CCDC102B: variants seen among roughly 807,000 people sequenced by gnomAD.
CCDC102B encodes coiled-coil domain-containing protein 102B.
In CCDC102B, 75 loss-of-function variants were observed where a neutral mutation model predicts 57.4. The ratio of observed to expected loss-of-function variants is 1.31; its 90% CI spans 1.08 to 1.58. The LOEUF (loss-of-function observed/expected upper bound fraction) is 1.58. Among genes scored for constraint, CCDC102B ranks in the 40% most tolerant of loss-of-function variants. The pLI, the probability that CCDC102B is intolerant of heterozygous loss-of-function variation, is 0.00. For missense variants in CCDC102B, 636 were observed against 582.6 expected (o/e 1.09, Z -0.94); for synonymous variants, 206 against 201.9 (o/e 1.02, Z -0.17).
chr18:68,914,307 G>T (rs2040985916), intron 6 of CCDC102B, among the ~76,000 whole-genome samples: 1 of 152,122 alleles, frequency 6.6e-6, no homozygotes, highest in Admixed American at 6.6e-5. Context: ...GTGTGTAAAT[G>T]GTCCTAGGCT....
chr18:68,985,007 A>G (rs907078093), intron 6 of CCDC102B, among the ~76,000 whole-genome samples: 1 of 152,122 alleles, frequency 6.6e-6, no homozygotes, highest in Non-Finnish European at 1.5e-5. Flanking sequence ...AATATATACT[A>G]TTTCTCAGCC....
chr18:68,972,080 G>A (rs2145262474), intron 6 of CCDC102B, among the ~76,000 whole-genome samples: 1 of 152,244 alleles, frequency 6.6e-6, no homozygotes, highest in African/African-American at 2.4e-5. Flanking sequence ...AGAAATATTA[G>A]AATAGTAGGC....
chr18:68,753,119 TA>T (rs1432602758), intron 2 of CCDC102B: 1 of 152,154 alleles, frequency 6.6e-6, no homozygotes, highest in African/African-American at 2.4e-5. Flanking sequence ...TATATTGAGT[TA>T]AAAAATTGTA....
At chr18:69,001,434 A>G (rs1247705438) in intron 6 of CCDC102B, among the ~76,000 whole-genome samples, 1 of 152,108 alleles carries the variant, frequency 6.6e-6, no homozygotes, top group Admixed American at 6.6e-5. Context: ...TGACCATGAA[A>G]AATTAGGCCC....
At chr18:68,845,525 C>G (rs79731552) in intron 3 of CCDC102B, among the ~76,000 whole-genome samples, 40 of 151,700 alleles carry the variant, frequency 2.6e-4, no homozygotes, top group Non-Finnish European at 5.2e-4. Flanking sequence ...CAACTCTGTC[C>G]GTGGAAATGG....
chr18:69,049,796 A>T (rs539273415), intron 7 of CCDC102B, among the ~76,000 whole-genome samples: 11 of 152,016 alleles, frequency 7.2e-5, no homozygotes, highest in African/African-American at 2.4e-4. Context: ...GTCAGGGTCC[A>T]TTGCTTAACT....
chr18:68,987,464 A>C (rs573936636), intron 6 of CCDC102B, among the ~76,000 whole-genome samples: 153 of 152,304 alleles, frequency 1.0e-3, no homozygotes, highest in African/African-American at 3.6e-3. Flanking sequence ...CCTAGAAAGA[A>C]ACCTAGGAAA....
intron 4 of CCDC102B, among the ~76,000 whole-genome samples, chr18:68,848,800 A>G (rs1457021658): frequency 6.6e-6 from 1 of 152,068 alleles, no homozygotes; most frequent in Admixed American, 6.6e-5. Context: ...TTGATTACTC[A>G]TAATTCTGGC....
upstream of CCDC102B, among the ~76,000 whole-genome samples, chr18:68,797,006 C>T (rs1300145856): frequency 6.6e-6 from 1 of 151,944 alleles, no homozygotes; most frequent in Non-Finnish European, 1.5e-5. Flanking sequence ...AAGTAAAGTT[C>T]ATTGGCATAC....
rs569506491 is a variant in CCDC102B, at chr18:68,856,193, T to C, written c.936+9772T>C. On this transcript the variant is annotated intron_variant, in intron 4 of 7. Coordinates refer to ENST00000360242, the MANE Select transcript of CCDC102B (RefSeq NM_024781.3). ...ATATTGCAGTAATTATCGTACAGCTTTAGGCAATATTTAATTAAGAAATAA... is the reference window on the plus strand; with the variant it reads ...ATATTGCAGTAATTATCGTACAGCTCTAGGCAATATTTAATTAAGAAATAA... Among the ~76,000 whole-genome samples, 22 of 152,286 alleles carry C rather than the reference T, an allele frequency of 1.4e-4. No homozygotes were observed. The South Asian group carries it at 1.7e-3, about 11-fold the overall frequency.
chr18:69,035,921 A>G (rs1467220467), intron 7 of CCDC102B, among the ~76,000 whole-genome samples: 1 of 152,054 alleles, frequency 6.6e-6, no homozygotes, highest in Non-Finnish European at 1.5e-5. Flanking sequence ...TCAAATTCCA[A>G]GCTGGATAGA....
In CCDC102B at chr18:68,759,610, T is replaced by G. The variant is rs200547932; in HGVS notation, c.-67+43016T>G. Among the ~76,000 whole-genome samples the G allele has an allele frequency of 2.0e-5, 3 of 152,238 alleles. No individual in the cohort carries two copies. The East Asian group carries it at 5.8e-4, about 29-fold the overall frequency. On this transcript the variant is annotated intron_variant, in intron 2 of 3. Transcript: ENST00000578970. ...TGCTAAGTATAGAATTCTATACACA[T>G]TCAAATTGTCAATCAGGGGTTTGTA...
chr18:68,757,895 A>ATAGCTTTGTGCTTTAACATCT, intron 2 of CCDC102B, among the ~76,000 whole-genome samples: 1 of 151,760 alleles, frequency 6.6e-6, no homozygotes, highest in South Asian at 2.1e-4. Context: ...TCCAACTGGG[A>ATAGCTTTGTGCTTTAACATCT]ATTTTAGCCT....
chr18:68,945,122 C>CACACACA (rs369066554), intron 6 of CCDC102B, among the ~76,000 whole-genome samples: 4 of 143,942 alleles, frequency 2.8e-5, no homozygotes, highest in Admixed American at 1.4e-4. Flanking sequence ...CTCTCTCTCT[C>CACACACA]CACACACACA....
chr18:68,732,211 A>G (rs73454092), intron 2 of CCDC102B, among the ~76,000 whole-genome samples: 7,613 of 151,900 alleles, frequency 0.05, 593 homozygotes, highest in African/African-American at 0.17. Context: ...CTTTTCTTCT[A>G]TCGCCCTGTG....
At position 68,929,790 on chromosome 18, in the gene CCDC102B, G is replaced by A. The variant is rs544834093; in HGVS notation, c.1263+32362G>A. Among the ~76,000 whole-genome samples, 8 of 151,732 alleles carry A rather than the reference G, an allele frequency of 5.3e-5. No individual in the cohort carries two copies. In the East Asian group the frequency reaches 5.8e-4, roughly 11 times the overall value. On this transcript the variant is annotated intron_variant, in intron 6 of 7. Transcript: ENST00000360242. ...TATATGGAGCATAGTTTGGCTATAAGAAGTAAACAAATTACATACTTTAAG... is the reference window on the plus strand; with the variant it reads ...TATATGGAGCATAGTTTGGCTATAAAAAGTAAACAAATTACATACTTTAAG...
At chr18:68,979,835 G>T (rs2050533091) in intron 6 of CCDC102B, among the ~76,000 whole-genome samples, 1 of 151,934 alleles carries the variant, frequency 6.6e-6, no homozygotes, top group African/African-American at 2.4e-5. Flanking sequence ...TATGATAGTG[G>T]CTAAAAGGCC....
chr18:68,978,883 T>C (rs781453244), intron 6 of CCDC102B, among the ~76,000 whole-genome samples: 15 of 152,064 alleles, frequency 9.9e-5, no homozygotes, highest in Non-Finnish European at 2.1e-4. Context: ...ATGTCTAGGA[T>C]GGAAAGCTAT....
chr18:69,001,763 T>G (rs1338849536), intron 6 of CCDC102B, among the ~76,000 whole-genome samples: 1 of 152,158 alleles, frequency 6.6e-6, no homozygotes, highest in Non-Finnish European at 1.5e-5. Context: ...GAGTATTAGT[T>G]GGATGAATGA....
Sources: allele counts gnomAD v4.1 joint callset (sites outside exome capture counted in the v4.1 genomes callset), GRCh38; gene constraint gnomAD v4.1.1; transcripts MANE v1.5; gene names NCBI Gene and HGNC (gene_info 2026-07-23, HGNC 2026-07-21).